Variants in NPAS3 observed in about 807,000 individuals in gnomAD.
NPAS3 encodes the protein neuronal PAS domain-containing protein 3.
Under a neutral mutation model 73.1 loss-of-function variants are expected in NPAS3, and 14 were observed. The ratio of observed to expected loss-of-function variants is 0.19; its 90% CI spans 0.13 to 0.30. The LOEUF is 0.30. Among genes scored for constraint, NPAS3 ranks in the 10% least tolerant of loss-of-function variants. NPAS3 has a pLI of 1.00. For synonymous variants in NPAS3, 620 were observed against 541.5 expected, an observed-to-expected ratio of 1.14 and a Z score of -2.01; for missense variants, 1,096 against 1,250.0, an observed-to-expected ratio of 0.88 and a Z score of 1.86.
intron 5 of NPAS3, among the ~76,000 whole-genome samples, chr14:33,604,690 C>A (rs892587208): frequency 6.6e-6 from 1 of 152,058 alleles, no homozygotes; most frequent in Non-Finnish European, 1.5e-5. Flanking sequence ...TACCAAAATA[C>A]ACCTTATTCT....
intron 4 of NPAS3, among the ~76,000 whole-genome samples, chr14:33,518,281 G>A (rs1387486588): frequency 2.6e-5 from 4 of 152,028 alleles, no homozygotes; most frequent in Non-Finnish European, 4.4e-5. Context: ...CTAGAGGAGA[G>A]GTAACTCATG....
chr14:33,189,281 CAG>C (rs1396279401), intron 2 of NPAS3, among the ~76,000 whole-genome samples: 3 of 152,154 alleles, frequency 2.0e-5, no homozygotes, highest in African/African-American at 4.8e-5. Context: ...TTTTGGCAGA[CAG>C]AGCTTGTTTT....
intron 5 of NPAS3, among the ~76,000 whole-genome samples, chr14:33,642,458 A>G (rs528107528): frequency 8.5e-4 from 129 of 152,346 alleles, no homozygotes; most frequent in Middle Eastern, 3.4e-3. Context: ...ACAATGGCCC[A>G]GGAATGTTTA....
rs1951379 is a variant in NPAS3 at position 33,494,557 on chromosome 14, G to A, written c.469-65564G>A. ...AGTGAGACTAGTGACGTTTCAGCTG[G>A]GGAAATGTCAGACCTGGATCTACAG... On this transcript the variant is annotated intron_variant, in intron 4 of 11. Coordinates refer to ENST00000356141, the Ensembl canonical transcript of NPAS3. Among the ~76,000 whole-genome samples the A allele has an allele frequency of 3.8e-4, 58 of 152,180 alleles. No individual in the cohort carries two copies. The East Asian group carries it at 8.6e-3, about 22-fold the overall frequency.
intron 3 of NPAS3, among the ~76,000 whole-genome samples, chr14:33,323,617 G>A (rs919723542): frequency 6.6e-6 from 1 of 152,234 alleles, no homozygotes; most frequent in Admixed American, 6.5e-5. Context: ...GAATCAAGGT[G>A]AAGGGTGTGG....
rs542853050 is a variant in NPAS3, at chr14:33,387,465, G to A, written c.468+20197G>A. Among the ~76,000 whole-genome samples, 49 of 152,258 alleles carry A rather than the reference G, an allele frequency of 3.2e-4. 2 individuals are homozygous for A. In the South Asian group the frequency reaches 8.1e-3, roughly 25 times the overall value. On this transcript the variant is annotated intron_variant, in intron 4 of 11. Transcript: ENST00000356141. ...ACCCATTTTTTTGGCCTAAATACCC[G>A]TTACTTCTGTTACTTTGATGGAAGA...
intron 3 of NPAS3, among the ~76,000 whole-genome samples, chr14:33,265,884 C>T (rs2040792618): frequency 6.6e-6 from 1 of 151,672 alleles, no homozygotes; most frequent in Non-Finnish European, 1.5e-5. Flanking sequence ...TTATTAGTGG[C>T]ACTTTAAAGA....
At chr14:33,778,508 G>T (rs1424749269) in exon 9 of NPAS3, 1 of 1,613,978 alleles carries the variant, frequency 6.2e-7, no homozygotes, top group Non-Finnish European at 8.5e-7. Flanking sequence ...ATATCGTAGG[G>T]AAGAGATGCT....
At chr14:33,207,265 A>G (rs1360395911) in intron 2 of NPAS3, among the ~76,000 whole-genome samples, 8 of 7,124 alleles carry the variant, frequency 1.1e-3, no homozygotes, top group African/African-American at 2.1e-3. Flanking sequence ...ACACACACAC[A>G]CGCACACACA....
intron 4 of NPAS3, among the ~76,000 whole-genome samples, chr14:33,429,413 C>T (rs2048690693): frequency 6.6e-6 from 1 of 151,996 alleles, no homozygotes; most frequent in African/African-American, 2.4e-5. Context: ...ACTGTAGAGA[C>T]CAAGCCCAAC....
At chr14:33,548,257 G>C (rs2054938350) in intron 4 of NPAS3, among the ~76,000 whole-genome samples, 1 of 152,142 alleles carries the variant, frequency 6.6e-6, no homozygotes, top group African/African-American at 2.4e-5. Flanking sequence ...ATTTTAATAA[G>C]GCTAATAGTC....
exon 2 of NPAS3, chr14:33,055,913 C>G (rs866828179): frequency 1.2e-6 from 1 of 810,128 alleles, no homozygotes; most frequent in Middle Eastern, 2.2e-4. Flanking sequence ...AGAATAACTG[C>G]CCAGCATCCT....
intron 3 of NPAS3, among the ~76,000 whole-genome samples, chr14:33,266,156 A>T (rs1374450993): frequency 6.6e-6 from 1 of 152,180 alleles, no homozygotes; most frequent in Non-Finnish European, 1.5e-5. Flanking sequence ...GCTCACTTTT[A>T]ACTTAATCTG....
At chr14:33,195,599 A>G (rs1470977662) in intron 2 of NPAS3, among the ~76,000 whole-genome samples, 1 of 152,244 alleles carries the variant, frequency 6.6e-6, no homozygotes, top group Non-Finnish European at 1.5e-5. Context: ...TGTTTAAAAC[A>G]GAGCTGTAAC....
rs149193303 is a variant in NPAS3 at position 33,283,048 on chromosome 14, C to T, written c.385+67622C>T. 5.8e-3 allele frequency among the ~76,000 whole-genome samples: 877 copies of T among 152,242 alleles called. 5 individuals carry two copies. Among genetic ancestry groups the T allele is most frequent in the African/African-American group, 0.02 (831 of 41,548 alleles). On this transcript the variant is annotated intron_variant, in intron 3 of 11. Transcript: ENST00000356141. The stretch of plus-strand genomic sequence containing the variant: ...TCAGCTGTCCACATGTGACTCTGCC[C>T]CACAGTCTATTATGAGCACATTGTG...
At chr14:33,510,346 C>T (rs527805526) in intron 4 of NPAS3, among the ~76,000 whole-genome samples, 92 of 152,022 alleles carry the variant, frequency 6.1e-4, no homozygotes, top group Non-Finnish European at 1.1e-3. Flanking sequence ...TTCTCACTAG[C>T]GCTTTCACAA....
intron 5 of NPAS3, among the ~76,000 whole-genome samples, chr14:33,580,304 G>A (rs1196770257): frequency 1.3e-5 from 2 of 152,112 alleles, no homozygotes; most frequent in Non-Finnish European, 2.9e-5. Context: ...GCTGCCAAAG[G>A]TGTGACGTAA....
At chr14:33,669,343 A>G (rs944337895) in intron 5 of NPAS3, among the ~76,000 whole-genome samples, 3 of 152,204 alleles carry the variant, frequency 2.0e-5, no homozygotes, top group Non-Finnish European at 4.4e-5. Context: ...AAACTATGGG[A>G]ACCTTGTAAA....
chr14:33,282,478 C>A (rs569355446), intron 3 of NPAS3, among the ~76,000 whole-genome samples: 179 of 152,288 alleles, frequency 1.2e-3, no homozygotes, highest in African/African-American at 4.0e-3. Flanking sequence ...CAGCTGATTG[C>A]AGCCCTTCTG....
Sources: allele counts gnomAD v4.1 joint callset (sites outside exome capture counted in the v4.1 genomes callset), GRCh38; gene constraint gnomAD v4.1.1; transcripts MANE v1.5; gene names NCBI Gene and HGNC (gene_info 2026-07-23, HGNC 2026-07-21).